The following TMTC3 variants were observed in gnomAD, a reference collection of about 807,000 sequenced individuals.
The protein encoded by TMTC3 is transmembrane O-mannosyltransferase targeting cadherins 3, also known as protein O-mannosyl-transferase TMTC3.
Under a neutral mutation model 92.2 loss-of-function variants are expected in TMTC3, and 52 were observed. The observed-to-expected ratio is 0.56, with a 90% CI of 0.45 to 0.71. The LOEUF (loss-of-function observed/expected upper bound fraction) is 0.71. Among genes scored for constraint, TMTC3 ranks in the 30% least tolerant of loss-of-function variants. The pLI, the probability that TMTC3 is intolerant of heterozygous loss-of-function variation, is 0.00. For missense variants in TMTC3, 896 were observed against 1,057.1 expected (o/e 0.85, Z 2.11); for synonymous variants, 339 against 363.3 (o/e 0.93, Z 0.76).
At position 88,196,281 on chromosome 12, in the gene TMTC3, TAA is replaced by T. The variant is rs1301227176; in HGVS notation, c.*634_*635del. The stretch of plus-strand genomic sequence containing the variant: ...ACTTTAAATGTAATTTTTAATCAGG[TAA>T]AGTTTGACACATGTATAGCTACATA... On this transcript the variant is annotated 3_prime_UTR_variant, in exon 14 of 14. Transcript: ENST00000266712. The T allele has an allele frequency of 6.6e-6, 1 of 152,508 alleles. No homozygotes were observed. The highest frequency in any genetic ancestry group is 6.6e-5 in the Admixed American group (1 of 15,260). 9.4% of individuals were successfully genotyped at this position (152,508 alleles called of 1,614,324 possible).
rs1457202597 is a variant in TMTC3, at chr12:88,166,547, A to C, written c.1015A>C (p.Arg339=). The change falls in exon 7 of 14, where the codon AGA becomes CGA. Residue 339 remains arginine (R), a synonymous_variant. Coordinates refer to ENST00000266712, the MANE Select transcript of TMTC3 (RefSeq NM_181783.4). ...FLGMLGVFSI[R]YSGDSSKTVL... The stretch of plus-strand genomic sequence containing the variant: ...GGGGATGTTGGGAGTATTCAGTATC[A>C]GATACTCTGGTGATTCCTCCAAGAC... The C allele has an allele frequency of 1.2e-6, 2 of 1,613,850 alleles. No homozygotes were observed. Among genetic ancestry groups the C allele is most frequent in the South Asian group, 1.1e-5 (1 of 91,070 alleles).
chr12:88,160,749 T>A lies in TMTC3; in HGVS notation c.695T>A (p.Met232Lys). Reference sequence around the variant, plus strand: ...GGAAAGGGTAGCATTCCATTTTCTATGCTGCAGACACTAGTAAAACTCATT... The same window carrying A: ...GGAAAGGGTAGCATTCCATTTTCTAAGCTGCAGACACTAGTAAAACTCATT... ...LRGKGSIPFS[M>K]LQTLVKLIVL... Residue 232 changes from methionine (M) to lysine (K), a missense_variant, in exon 6 of 14, where the codon ATG becomes AAG. By Grantham distance (95) the Met-to-Lys change is moderately conservative (BLOSUM62 -1). Coordinates refer to ENST00000266712, the MANE Select transcript of TMTC3 (RefSeq NM_181783.4). 1 of 1,613,700 alleles carries A rather than the reference T, an allele frequency of 6.2e-7. No individual in the cohort carries two copies. The highest frequency in any genetic ancestry group is 8.5e-7 in the Non-Finnish European group (1 of 1,179,762).
At position 88,195,742 on chromosome 12, in the gene TMTC3, T is replaced by C; in HGVS notation, c.*93T>C. 9.6e-7 allele frequency: 1 copy of C among 1,046,222 alleles called. No homozygotes were observed. Among genetic ancestry groups the C allele is most frequent in the Non-Finnish European group, 1.4e-6 (1 of 732,882 alleles). The allele number at this position is 1,046,222 out of a possible 1,614,324, so 64.8% of individuals were successfully genotyped here. A position where few individuals can be genotyped will look rare whatever the true frequency, so the allele number is the denominator to read the frequency against. ...GAGCTTTGAAAAAAAGTTCAAGGGT[T>C]CCTAATGGTCAATCATGAGCTGCCT... is the stretch of plus-strand genomic sequence containing the variant. On this transcript the variant is annotated 3_prime_UTR_variant, in exon 14 of 14. Coordinates refer to ENST00000266712, the MANE Select transcript of TMTC3 (RefSeq NM_181783.4).
intron 1 of TMTC3, among the ~76,000 whole-genome samples, chr12:88,145,589 T>C (rs1281890058): frequency 6.6e-6 from 1 of 151,924 alleles, no homozygotes; most frequent in African/African-American, 2.4e-5. Flanking sequence ...TTCTCTAAGA[T>C]GATTTTGAGG....
rs1565961988 is a variant in TMTC3, at chr12:88,195,583, TGAG to T, written c.2680_2682del (p.Glu894del). On this transcript the variant is annotated inframe_deletion, in exon 14 of 14. Transcript: ENST00000266712. ...AAACAACAAAAGACATCAAAGAAAT[TGAG>T]AAGAAAAGAGTTGCTGCTTTAAAAA... 1 of 1,606,704 alleles carries T rather than the reference TGAG, an allele frequency of 6.2e-7. No individual in the cohort carries two copies. The highest frequency in any genetic ancestry group is 2.2e-5 in the East Asian group (1 of 44,728).
At chr12:88,150,506 AT>A (rs2040929889) in intron 2 of TMTC3, among the ~76,000 whole-genome samples, 1 of 152,154 alleles carries the variant, frequency 6.6e-6, no homozygotes, top group African/African-American at 2.4e-5. Flanking sequence ...TGAAAATTTG[AT>A]TTTGTTCAGA....
At chr12:88,186,497 A>G (rs17421009) in intron 10 of TMTC3, among the ~76,000 whole-genome samples, 28,243 of 152,094 alleles carry the variant, frequency 0.19, 3,205 homozygotes, top group Non-Finnish European at 0.26. Flanking sequence ...AACTGAGACT[A>G]CATTTGAGAT....
At chr12:88,190,420 T>G in intron 11 of TMTC3, 33 bp from the exon 12 acceptor site, 2 of 1,599,676 alleles carry the variant, frequency 1.3e-6, no homozygotes, top group Non-Finnish European at 1.7e-6. Flanking sequence ...TACTGAAATA[T>G]CAAATCATGA....
intron 1 of TMTC3, among the ~76,000 whole-genome samples, chr12:88,145,252 G>A (rs776057775): frequency 7.2e-5 from 11 of 152,078 alleles, no homozygotes; most frequent in Non-Finnish European, 1.3e-4. Context: ...GGCAAATTAA[G>A]CCATGGTTAA....
Position 88,153,512 on chromosome 12 carries a change from A to G in TMTC3, c.408+3A>G. ...TGCACCCAATACACACAGAAGCAGT[A>G]AGTAAAACTATGAACTGACTTTTTT... On this transcript the variant is annotated splice_donor_region_variant and intron_variant, in intron 3 of 13. Coordinates refer to ENST00000266712, the MANE Select transcript of TMTC3 (RefSeq NM_181783.4). 1.9e-6 allele frequency: 3 copies of G among 1,558,170 alleles called. No homozygotes were observed. Among genetic ancestry groups the G allele is most frequent in the Non-Finnish European group, 2.6e-6 (3 of 1,135,682 alleles).
At chr12:88,173,743 A>G (rs1429440801) in intron 8 of TMTC3, among the ~76,000 whole-genome samples, 1 of 152,094 alleles carries the variant, frequency 6.6e-6, no homozygotes, top group Non-Finnish European at 1.5e-5. Flanking sequence ...AATGCCTGCC[A>G]TGTACCAAGG....
In TMTC3 at chr12:88,199,442, T is replaced by C. The variant is rs1308477274; in HGVS notation, c.*3793T>C. The C allele has an allele frequency of 6.6e-6, 1 of 151,998 alleles. No homozygotes were observed. The highest frequency in any genetic ancestry group is 2.4e-5 in the African/African-American group (1 of 41,412). 9.4% of individuals were successfully genotyped at this position (151,998 alleles called of 1,614,324 possible). ...TCTAGCACATAGCAAATAATAAATA[T>C]TAGTTATTAGTATAAACATAAGGCT... is the stretch of plus-strand genomic sequence containing the variant. On this transcript the variant is annotated 3_prime_UTR_variant, in exon 14 of 14. Transcript: ENST00000266712.
intron 9 of TMTC3, 109 bp from the exon 10 acceptor site, chr12:88,176,099 A>G (rs2041255920): frequency 1.4e-6 from 1 of 725,050 alleles, no homozygotes; most frequent in Admixed American, 3.0e-5. Context: ...ATCCCCAGAG[A>G]CATTTCCATA....
chr12:88,154,610 AT>A (rs2040983592), intron 4 of TMTC3, among the ~76,000 whole-genome samples: 1 of 152,302 alleles, frequency 6.6e-6, no homozygotes, highest in Admixed American at 6.5e-5. Flanking sequence ...AATAGATTTT[AT>A]ATGATCTAAT....
chr12:88,197,311 C>T lies in TMTC3; in HGVS notation c.*1662C>T, dbSNP rs2041526132. On this transcript the variant is annotated 3_prime_UTR_variant, in exon 14 of 14. Coordinates refer to ENST00000266712, the MANE Select transcript of TMTC3 (RefSeq NM_181783.4). Reference sequence around the variant, plus strand: ...GGTAGTTTAAAGCAAGCACTGATACCAGTGGGAGTTGGTCTTGATCTAGGA... The same window carrying T: ...GGTAGTTTAAAGCAAGCACTGATACTAGTGGGAGTTGGTCTTGATCTAGGA... The T allele has an allele frequency of 7.0e-6, 1 of 142,652 alleles. No homozygotes were observed. Among genetic ancestry groups the T allele is most frequent in the South Asian group, 2.2e-4 (1 of 4,616 alleles). 8.8% of individuals were successfully genotyped at this position (142,652 alleles called of 1,614,324 possible).
At chr12:88,187,673 A>G (rs925826723) in intron 10 of TMTC3, among the ~76,000 whole-genome samples, 2 of 152,208 alleles carry the variant, frequency 1.3e-5, no homozygotes, top group Non-Finnish European at 2.9e-5. Context: ...CTAAAACATT[A>G]TATAGCAAGT....
At chr12:88,148,005 C>A (rs1473069820) in intron 1 of TMTC3, among the ~76,000 whole-genome samples, 1 of 152,080 alleles carries the variant, frequency 6.6e-6, no homozygotes, top group Non-Finnish European at 1.5e-5. Context: ...AAATAATCCA[C>A]AGAGGAAACC....
At chr12:88,147,794 A>G (rs909519067) in intron 1 of TMTC3, among the ~76,000 whole-genome samples, 1 of 151,504 alleles carries the variant, frequency 6.6e-6, no homozygotes, top group Non-Finnish European at 1.5e-5. Context: ...TTGATTCCTG[A>G]TCCTTACTCT....
intron 10 of TMTC3, among the ~76,000 whole-genome samples, chr12:88,185,244 A>G (rs1036237014): frequency 2.0e-5 from 3 of 151,634 alleles, no homozygotes; most frequent in African/African-American, 7.3e-5. Flanking sequence ...ACCCCTTTTC[A>G]CCCCAGCCTT....
Sources: allele counts gnomAD v4.1 joint callset (sites outside exome capture counted in the v4.1 genomes callset), GRCh38; gene constraint gnomAD v4.1.1; transcripts MANE v1.5; gene names NCBI Gene and HGNC (gene_info 2026-07-23, HGNC 2026-07-21).